MAP3K1: variants seen among roughly 807,000 people sequenced by gnomAD.
MAP3K1 encodes mitogen-activated protein kinase kinase kinase 1, also known as MAP/ERK kinase kinase 1.
In MAP3K1, 36 loss-of-function variants were observed where a neutral mutation model predicts 144.2. That is an observed-to-expected ratio of 0.25 (90% confidence interval 0.19 to 0.33). The LOEUF is 0.33. Among genes scored for constraint, MAP3K1 ranks in the 10% least tolerant of loss-of-function variants. The pLI is 1.00. For missense variants in MAP3K1, 1,650 were observed against 1,881.9 expected (o/e 0.88, Z 2.28); for synonymous variants, 718 against 688.7 (o/e 1.04, Z -0.67).
rs1054289004 is a variant in MAP3K1 at position 56,820,398 on chromosome 5, G to C, written c.482+4343G>C. Reference sequence around the variant, plus strand: ...ATCAAATTAATTGATTATTTTTAAGGAGAAATTTGTTTTGCAGGCATTCTA... The same window carrying C: ...ATCAAATTAATTGATTATTTTTAAGCAGAAATTTGTTTTGCAGGCATTCTA... On this transcript the variant is annotated intron_variant, in intron 1 of 19. Transcript: ENST00000399503. 3 of 980,610 alleles carry C rather than the reference G, an allele frequency of 3.1e-6. No homozygotes were observed. The African/African-American group carries it at 5.3e-5, about 17-fold the overall frequency. 60.7% of individuals were successfully genotyped at this position (980,610 alleles called of 1,614,324 possible). A position where few individuals can be genotyped will look rare whatever the true frequency, so the allele number is the denominator to read the frequency against.
chr5:56,869,692 G>A (rs1747793461), intron 6 of MAP3K1, among the ~76,000 whole-genome samples: 1 of 152,142 alleles, frequency 6.6e-6, no homozygotes, highest in African/African-American at 2.4e-5. Flanking sequence ...CTTATAATTT[G>A]ACTAAATTGT....
intron 9 of MAP3K1, among the ~76,000 whole-genome samples, chr5:56,874,032 T>G (rs1242770610): frequency 1.3e-5 from 2 of 152,214 alleles, no homozygotes; most frequent in South Asian, 4.1e-4. Flanking sequence ...GCCTAAGCTT[T>G]AGGTCAGACT....
At chr5:56,823,580 A>G (rs1203247027) in intron 1 of MAP3K1, among the ~76,000 whole-genome samples, 1 of 152,246 alleles carries the variant, frequency 6.6e-6, no homozygotes, top group Non-Finnish European at 1.5e-5. Context: ...AATGAGAGGG[A>G]TAATGGCATG....
intron 1 of MAP3K1, chr5:56,820,751 C>T (rs1746129973): frequency 2.0e-6 from 2 of 985,400 alleles, no homozygotes; most frequent in African/African-American, 1.7e-5. Context: ...CATTTATGAA[C>T]TTCTGCAAGG....
intron 18 of MAP3K1, 126 bp downstream of exon 18, chr5:56,887,646 A>ACCGTATTT: frequency 1.0e-6 from 1 of 1,002,910 alleles, no homozygotes; most frequent in Non-Finnish European, 1.6e-6. Context: ...GGCCCTTAAA[A>ACCGTATTT]TACGGTTTTA....
In MAP3K1 at chr5:56,859,706, T is replaced by G; in HGVS notation, c.634-9T>G. The G allele has an allele frequency of 6.2e-7, 1 of 1,605,810 alleles. No homozygotes were observed. The highest frequency in any genetic ancestry group is 1.7e-4 in the Middle Eastern group (1 of 5,996). On this transcript the variant is annotated splice_polypyrimidine_tract_variant and intron_variant, in intron 2 of 19. Coordinates refer to ENST00000399503, the MANE Select transcript of MAP3K1 (RefSeq NM_005921.2). ...TAAGTAATCAAAATATTGGAATACT[T>G]TGATTCAGGTGGTAAAACCAATCCC...
chr5:56,870,714 C>CT (rs1418614127), intron 6 of MAP3K1, among the ~76,000 whole-genome samples: 3 of 152,084 alleles, frequency 2.0e-5, no homozygotes, highest in African/African-American at 7.2e-5. Flanking sequence ...AAATTACATA[C>CT]TTTTTTCTTT....
rs1168525216 is a variant in MAP3K1 at position 56,878,971 on chromosome 5, T to C, written c.1966-9T>C. On this transcript the variant is annotated splice_polypyrimidine_tract_variant and intron_variant, in intron 10 of 19. Coordinates refer to ENST00000399503, the MANE Select transcript of MAP3K1 (RefSeq NM_005921.2). The stretch of plus-strand genomic sequence containing the variant: ...GTACATAAACTGACCTTCAGATTTT[T>C]TTCCTTAGAAAACATTGAGAGCCAT... The C allele has an allele frequency of 4.3e-6, 7 of 1,613,640 alleles. No homozygotes were observed. The African/African-American group carries it at 9.3e-5, about 22-fold the overall frequency.
chr5:56,845,801 C>T (rs1342536228), intron 1 of MAP3K1, among the ~76,000 whole-genome samples: 1 of 152,138 alleles, frequency 6.6e-6, no homozygotes, highest in Non-Finnish European at 1.5e-5. Flanking sequence ...GAATTTTTAG[C>T]GCAGAATGTC....
intron 1 of MAP3K1, among the ~76,000 whole-genome samples, chr5:56,836,064 A>G (rs548791746): frequency 1.1e-4 from 17 of 152,280 alleles, no homozygotes; most frequent in South Asian, 6.2e-4. Flanking sequence ...TCAGAGAGAT[A>G]ATATTCTAAC....
intron 2 of MAP3K1, among the ~76,000 whole-genome samples, chr5:56,858,968 G>A (rs950904459): frequency 6.6e-6 from 1 of 151,380 alleles, no homozygotes; most frequent in South Asian, 2.1e-4. Flanking sequence ...AACAGGAGCA[G>A]TGGGAGAAAG....
chr5:56,861,377 G>C (rs1333809184), intron 3 of MAP3K1, among the ~76,000 whole-genome samples: 1 of 151,900 alleles, frequency 6.6e-6, no homozygotes, highest in African/African-American at 2.4e-5. Context: ...TTCAAGATCA[G>C]CCTGGCCAAC....
At chr5:56,876,728 A>G (rs1748044972) in intron 10 of MAP3K1, among the ~76,000 whole-genome samples, 1 of 152,188 alleles carries the variant, frequency 6.6e-6, no homozygotes, top group African/African-American at 2.4e-5. Flanking sequence ...CCCATAAAAT[A>G]ATGAAAATAC....
intron 19 of MAP3K1, among the ~76,000 whole-genome samples, chr5:56,888,917 A>G (rs1358487721): frequency 1.3e-5 from 2 of 152,196 alleles, no homozygotes; most frequent in Admixed American, 6.5e-5. Context: ...GATATTGTCA[A>G]TGGTGTTGTC....
intron 1 of MAP3K1, chr5:56,841,939 A>G (rs898782076): frequency 9.8e-5 from 15 of 152,328 alleles, no homozygotes; most frequent in African/African-American, 3.4e-4. Context: ...TTTTTAAGGA[A>G]ATATTTCAAG....
intron 1 of MAP3K1, among the ~76,000 whole-genome samples, chr5:56,823,198 G>A (rs562991384): frequency 6.6e-6 from 1 of 152,294 alleles, no homozygotes; most frequent in East Asian, 1.9e-4. Context: ...TCCCTGCCCG[G>A]TTGGGCCCCT....
chr5:56,844,138 T>G (rs1322585794), intron 1 of MAP3K1, among the ~76,000 whole-genome samples: 1 of 152,038 alleles, frequency 6.6e-6, no homozygotes, highest in Admixed American at 6.6e-5. Context: ...GTTCCCTGAT[T>G]TGCAGAATCA....
intron 2 of MAP3K1, among the ~76,000 whole-genome samples, chr5:56,859,136 T>C (rs1476379698): frequency 1.3e-5 from 2 of 150,904 alleles, no homozygotes; most frequent in African/African-American, 4.9e-5. Context: ...TTTAAACTTC[T>C]AGTCTCTTTT....
At position 56,887,535 on chromosome 5, in the gene MAP3K1, T is replaced by G. The variant is rs754880326; in HGVS notation, c.4257+15T>G. ...TGGCACCTGAGGTGAGAAGCATCTT[T>G]GAGTGTGATGACAGAAAATATTTTG... On this transcript the variant is annotated intron_variant, in intron 18 of 19. Coordinates refer to ENST00000399503, the MANE Select transcript of MAP3K1 (RefSeq NM_005921.2). 6.2e-7 allele frequency: 1 copy of G among 1,613,968 alleles called. No homozygotes were observed. The highest frequency in any genetic ancestry group is 8.5e-7 in the Non-Finnish European group (1 of 1,179,846).
Sources: allele counts gnomAD v4.1 joint callset (sites outside exome capture counted in the v4.1 genomes callset), GRCh38; gene constraint gnomAD v4.1.1; transcripts MANE v1.5; gene names NCBI Gene and HGNC (gene_info 2026-07-23, HGNC 2026-07-21).